Variants in GRM8 observed in about 807,000 individuals in gnomAD.
The protein encoded by GRM8 is metabotropic glutamate receptor 8.
A neutral mutation model predicts 87.2 loss-of-function variants in GRM8; 47 were observed. That is an observed-to-expected ratio of 0.54 (90% CI 0.43 to 0.69). The LOEUF (loss-of-function observed/expected upper bound fraction) is 0.69. Among genes scored for constraint, GRM8 ranks in the 30% least tolerant of loss-of-function variants. GRM8 has a pLI of 0.00. For missense variants in GRM8, 1,019 were observed against 1,139.2 expected (o/e 0.89, Z 1.52); for synonymous variants, 396 against 404.5 (o/e 0.98, Z 0.25).
rs576604842 is a variant in GRM8 at position 127,104,978 on chromosome 7, T to C, written c.727+1518A>G. Among the ~76,000 whole-genome samples, 461 of 152,320 alleles carry C rather than the reference T, an allele frequency of 3.0e-3. 2 individuals are homozygous for C. The highest frequency in any genetic ancestry group is 5.6e-3 in the Non-Finnish European group (384 of 68,004). On this transcript the variant is annotated intron_variant, in intron 3 of 10. Transcript: ENST00000339582. ...ATCTATCTCATGCACACAAAATGTG[T>C]CCTCAAGTTGCAGAATGTCCAGGAT...
At chr7:126,492,044 T>C (rs982271177) in intron 9 of GRM8, among the ~76,000 whole-genome samples, 7 of 151,974 alleles carry the variant, frequency 4.6e-5, no homozygotes, top group Non-Finnish European at 8.8e-5. Flanking sequence ...ATTACATAAT[T>C]AACATTTCTG....
Position 126,900,659 on chromosome 7 carries a change from G to A in GRM8, c.1156+1883C>T, listed in dbSNP as rs567560635. ...CAAGTAGCTGGGACTACAGGCGCCCGCCACACGCCGGGCTAATTTTTTGTA... is the reference window on the plus strand; with the variant it reads ...CAAGTAGCTGGGACTACAGGCGCCCACCACACGCCGGGCTAATTTTTTGTA... On this transcript the variant is annotated intron_variant, in intron 6 of 10. Transcript: ENST00000339582. Among the ~76,000 whole-genome samples, 300 of 58,938 alleles carry A rather than the reference G, an allele frequency of 5.1e-3. 2 individuals are homozygous for A. The highest frequency in any genetic ancestry group is 0.027 in the African/African-American group (290 of 10,602). The allele number at this position is 58,938 out of a possible 152,430, so 38.7% of individuals were successfully genotyped here. A position where few individuals can be genotyped will look rare whatever the true frequency, so the allele number is the denominator to read the frequency against.
chr7:126,653,020 T>A (rs1427379171), intron 7 of GRM8, among the ~76,000 whole-genome samples: 1 of 151,904 alleles, frequency 6.6e-6, no homozygotes, highest in African/African-American at 2.4e-5. Flanking sequence ...TATTTTAAGA[T>A]CCCCCTAAGG....
At chr7:126,891,592 C>T (rs555777700) in intron 6 of GRM8, among the ~76,000 whole-genome samples, 18 of 152,012 alleles carry the variant, frequency 1.2e-4, no homozygotes, top group Admixed American at 1.2e-3. Flanking sequence ...GCCCACTGGT[C>T]TTTGTGCCAC....
intron 6 of GRM8, among the ~76,000 whole-genome samples, chr7:126,886,154 G>T (rs2131036974): frequency 6.6e-6 from 1 of 152,130 alleles, no homozygotes; most frequent in East Asian, 1.9e-4. Flanking sequence ...GAAGATAGGG[G>T]TCATTTTACA....
At chr7:126,939,114 A>G (rs1235563239) in intron 3 of GRM8, among the ~76,000 whole-genome samples, 1 of 152,128 alleles carries the variant, frequency 6.6e-6, no homozygotes, top group African/African-American at 2.4e-5. Flanking sequence ...CATCTTAACC[A>G]TCATTGTTCT....
intron 3 of GRM8, among the ~76,000 whole-genome samples, chr7:126,962,500 G>A (rs1809422890): frequency 6.6e-6 from 1 of 151,458 alleles, no homozygotes; most frequent in Non-Finnish European, 1.5e-5. Flanking sequence ...TATAAAATTA[G>A]TTAAAGTAGC....
chr7:127,230,870 G>T (rs1318554912), intron 2 of GRM8, among the ~76,000 whole-genome samples: 1 of 152,184 alleles, frequency 6.6e-6, no homozygotes, highest in African/African-American at 2.4e-5. Flanking sequence ...TTCTGTTGCA[G>T]CAGCCTATAA....
chr7:127,025,566 T>C (rs1816697001), intron 3 of GRM8, among the ~76,000 whole-genome samples: 1 of 152,130 alleles, frequency 6.6e-6, no homozygotes, highest in Non-Finnish European at 1.5e-5. Flanking sequence ...AAACATGTAC[T>C]GGATGCTTTG....
intron 2 of GRM8, among the ~76,000 whole-genome samples, chr7:127,202,090 G>A (rs1053792573): frequency 6.6e-6 from 1 of 151,750 alleles, no homozygotes; most frequent in Non-Finnish European, 1.5e-5. Flanking sequence ...GAATGTACAT[G>A]TATATACTTG....
At chr7:126,510,886 T>C (rs1379118632) in intron 9 of GRM8, among the ~76,000 whole-genome samples, 1 of 152,100 alleles carries the variant, frequency 6.6e-6, no homozygotes, top group Admixed American at 6.6e-5. Context: ...AGTAAGTCTT[T>C]AGAGATAACT....
intron 7 of GRM8, among the ~76,000 whole-genome samples, chr7:126,662,885 T>C (rs1345950421): frequency 6.6e-6 from 1 of 152,210 alleles, no homozygotes; most frequent in African/African-American, 2.4e-5. Context: ...AGAGGACAAC[T>C]GTCAATTAAA....
chr7:127,148,221 A>G (rs1828654861), intron 2 of GRM8, among the ~76,000 whole-genome samples: 1 of 152,120 alleles, frequency 6.6e-6, no homozygotes, highest in East Asian at 1.9e-4. Flanking sequence ...CAATCCACCA[A>G]TTAGAAAGCA....
At chr7:126,703,909 C>T (rs1004994152) in intron 7 of GRM8, among the ~76,000 whole-genome samples, 1 of 152,126 alleles carries the variant, frequency 6.6e-6, no homozygotes, top group Non-Finnish European at 1.5e-5. Flanking sequence ...GCCTATCAGA[C>T]ATTCCCTCTA....
chr7:126,557,354 C>T (rs1411215944), intron 8 of GRM8, among the ~76,000 whole-genome samples: 1 of 152,208 alleles, frequency 6.6e-6, no homozygotes, highest in Non-Finnish European at 1.5e-5. Context: ...CTCAGGTGCT[C>T]AGTTACCACC....
chr7:126,635,332 G>T (rs371689596), intron 7 of GRM8, among the ~76,000 whole-genome samples: 11 of 152,126 alleles, frequency 7.2e-5, no homozygotes, highest in African/African-American at 2.6e-4. Flanking sequence ...GCTCATATTG[G>T]TGACTAATAT....
rs141669086 is a variant in GRM8 at position 126,583,810 on chromosome 7, T to C, written c.1494+25552A>G. ...ACTCCTGCTGACGATTTGGTGAACATTGTTGAAATGACAACAAAGGATTTC... is the reference window on the plus strand; with the variant it reads ...ACTCCTGCTGACGATTTGGTGAACACTGTTGAAATGACAACAAAGGATTTC... On this transcript the variant is annotated intron_variant, in intron 8 of 10. Transcript: ENST00000339582. 1.4e-4 allele frequency among the ~76,000 whole-genome samples: 21 copies of C among 152,298 alleles called. No homozygotes were observed. In the East Asian group the frequency reaches 4.0e-3, roughly 29 times the overall value.
At chr7:127,022,533 G>A (rs1398775957) in intron 3 of GRM8, among the ~76,000 whole-genome samples, 1 of 151,986 alleles carries the variant, frequency 6.6e-6, no homozygotes, top group Non-Finnish European at 1.5e-5. Context: ...GGGAGGAATG[G>A]GGTGGGGAAT....
intron 8 of GRM8, among the ~76,000 whole-genome samples, chr7:126,580,744 T>C (rs187753926): frequency 1.8e-4 from 28 of 152,232 alleles, no homozygotes; most frequent in African/African-American, 6.5e-4. Flanking sequence ...ATAGTAAAGA[T>C]CAAACGAGTT....
Sources: gnomAD v4.1 joint callset for allele counts (sites outside exome capture counted in the v4.1 genomes callset) on GRCh38, gnomAD v4.1.1 for gene constraint, MANE v1.5 for transcripts, NCBI Gene and HGNC (gene_info 2026-07-23, HGNC 2026-07-21) for gene names.